The following SIN3B variants were observed in gnomAD, a reference collection of about 807,000 sequenced individuals.
SIN3B encodes the protein SIN3 transcription regulator family member B, also known as paired amphipathic helix protein Sin3b.
SIN3B carries 19 observed loss-of-function variants against 120.2 expected under a neutral mutation model. The ratio of observed to expected loss-of-function variants is 0.16; its 90% CI spans 0.11 to 0.23. The LOEUF is 0.23. Among genes scored for constraint, SIN3B ranks in the 10% least tolerant of loss-of-function variants. SIN3B has a pLI of 1.00. For missense variants in SIN3B, 1,073 were observed against 1,573.0 expected (o/e 0.68, Z 5.38); for synonymous variants, 654 against 653.2 (o/e 1.00, Z -0.02).
chr19:16,841,962 G>T lies in SIN3B; in HGVS notation c.576G>T (p.Thr192=), dbSNP rs373254965. The part of the protein sequence containing the change: ...IYRSFLEILH[T]YQKEQLNTRG... ...GGTCATTCCTGGAGATCCTGCACAC[G>T]TACCAGGTAAGAACTCAGATTACAA... The change falls in exon 4 of 19, where the codon ACG becomes ACT. Residue 192 remains threonine (T), a synonymous_variant. Coordinates refer to ENST00000248054, the MANE Select transcript of SIN3B (RefSeq NM_001297595.2). 1.2e-6 allele frequency: 2 copies of T among 1,612,984 alleles called. No individual in the cohort carries two copies. Among genetic ancestry groups the T allele is most frequent in the Non-Finnish European group, 1.7e-6 (2 of 1,179,146 alleles).
chr19:16,840,991 G>T (rs1291382788), intron 3 of SIN3B, among the ~76,000 whole-genome samples: 1 of 152,186 alleles, frequency 6.6e-6, no homozygotes, highest in East Asian at 1.9e-4. Context: ...ACCTCAGCCA[G>T]GCTGGAGGAA....
chr19:16,860,571 G>A lies in SIN3B; in HGVS notation c.1059-1781G>A, dbSNP rs375050369. Among the ~76,000 whole-genome samples the A allele has an allele frequency of 1.8e-4, 27 of 151,826 alleles. 1 individual carries two copies. Among genetic ancestry groups the A allele is most frequent in the Middle Eastern group, 6.8e-3 (2 of 294 alleles). On this transcript the variant is annotated intron_variant, in intron 8 of 18. Transcript: ENST00000248054. ...GTGGCTAGGTCACAGCAGGATTGTG[G>A]CACCAGCAGTCAAAGTAACTGCAAC...
chr19:16,831,121 G>A (rs1407588920), intron 2 of SIN3B, among the ~76,000 whole-genome samples: 1 of 151,448 alleles, frequency 6.6e-6, no homozygotes, highest in African/African-American at 2.4e-5. Flanking sequence ...GGAGTGCAGT[G>A]GTGTGATCTG....
chr19:16,869,194 T>C (rs1010547330), intron 12 of SIN3B, among the ~76,000 whole-genome samples: 33 of 152,112 alleles, frequency 2.2e-4, no homozygotes, highest in Non-Finnish European at 2.8e-4. Flanking sequence ...CAGAATCCTC[T>C]TGGCTCCTTT....
At chr19:16,863,397 A>G (rs1971716240) in intron 9 of SIN3B, 1 of 525,246 alleles carries the variant, frequency 1.9e-6, no homozygotes, top group Non-Finnish European at 3.4e-6. Context: ...TGCATAGGAT[A>G]TATGCAAATA....
At position 16,876,430 on chromosome 19, in the gene SIN3B, G is replaced by A. The variant is rs910498513; in HGVS notation, c.2767-56G>A. Reference sequence around the variant, plus strand: ...GAGGCGGGTGGCCTTGCGAGCCTGCGCTGTGCCGGCTGGGCTGTGCCGGCA... The same window carrying A: ...GAGGCGGGTGGCCTTGCGAGCCTGCACTGTGCCGGCTGGGCTGTGCCGGCA... On this transcript the variant is annotated intron_variant, in intron 15 of 18. Coordinates refer to ENST00000248054, the MANE Select transcript of SIN3B (RefSeq NM_001297595.2). This position sits in a 1 kb window ranked among gnomAD's most constrained non-coding sequence, Gnocchi z 7.1. 3.9e-5 allele frequency: 61 copies of A among 1,571,046 alleles called. 2 individuals carry two copies. The South Asian group carries it at 4.0e-4, about 10-fold the overall frequency.
chr19:16,856,726 C>T (rs903438072), intron 8 of SIN3B, among the ~76,000 whole-genome samples: 1 of 152,070 alleles, frequency 6.6e-6, no homozygotes, highest in Non-Finnish European at 1.5e-5. Flanking sequence ...TGTGTGCCAC[C>T]ATACTTGGCT....
chr19:16,839,461 C>T (rs1971389487), intron 3 of SIN3B, among the ~76,000 whole-genome samples: 1 of 152,148 alleles, frequency 6.6e-6, no homozygotes, highest in Admixed American at 6.5e-5. Flanking sequence ...GCGTGGTTCC[C>T]CATTTTGTCG....
intron 6 of SIN3B, among the ~76,000 whole-genome samples, 154 bp downstream of exon 6, chr19:16,851,688 C>A (rs1971548265): frequency 6.6e-6 from 1 of 152,232 alleles, no homozygotes; most frequent in Non-Finnish European, 1.5e-5. Flanking sequence ...CGTTGGAAGT[C>A]AGCTCTCCTC....
At chr19:16,866,308 C>T in intron 11 of SIN3B, 65 bp from the exon 12 acceptor site, 2 of 1,510,494 alleles carry the variant, frequency 1.3e-6, no homozygotes, top group Non-Finnish European at 1.8e-6. Flanking sequence ...GACAGGCCAG[C>T]CCTGGGATGC....
At chr19:16,863,638 T>C (rs1971719874) in intron 9 of SIN3B, 42 bp from the exon 10 acceptor site, 1 of 1,308,054 alleles carries the variant, frequency 7.6e-7, no homozygotes, top group African/African-American at 1.5e-5. Flanking sequence ...TCTTGGCTCC[T>C]GGGGCATGCA....
Position 16,866,367 on chromosome 19 carries a change from C to T in SIN3B, c.1623-6C>T, listed in dbSNP as rs1348042083. 1 of 1,609,832 alleles carries T rather than the reference C, an allele frequency of 6.2e-7. No homozygotes were observed. Among genetic ancestry groups the T allele is most frequent in the East Asian group, 2.2e-5 (1 of 44,798 alleles). On this transcript the variant is annotated splice_region_variant and splice_polypyrimidine_tract_variant and intron_variant, in intron 11 of 18. Transcript: ENST00000248054. ...TCCCTGGTGCTGACCTCTCTTCCCC[C>T]CGCAGACTGAAGGCCAAGGAAGAGG...
chr19:16,866,623 G>A (rs1971777921), intron 12 of SIN3B, 67 bp downstream of exon 12: 5 of 1,499,606 alleles, frequency 3.3e-6, no homozygotes, highest in Middle Eastern at 1.7e-4. Flanking sequence ...CGCCGGGTCT[G>A]TGCCTCTGTT....
intron 8 of SIN3B, chr19:16,855,740 C>G (rs1026596986): frequency 4.0e-5 from 6 of 150,488 alleles, no homozygotes; most frequent in African/African-American, 1.5e-4. Context: ...CAAAACAAAA[C>G]AAAAAAATAA....
chr19:16,878,237 C>T lies in SIN3B; in HGVS notation c.3009C>T (p.Arg1003=), dbSNP rs759385825. 18 of 1,598,862 alleles carry T rather than the reference C, an allele frequency of 1.1e-5. No individual in the cohort carries two copies. The highest frequency in any genetic ancestry group is 6.7e-5 in the African/African-American group (5 of 74,662). Reference sequence around the variant, plus strand: ...AGAGCGAGCAGGCGCGGGCCCTGCGCGGTGAGGCCAGGAGCTCCTGGAAGC... The same window carrying T: ...AGAGCGAGCAGGCGCGGGCCCTGCGTGGTGAGGCCAGGAGCTCCTGGAAGC... ...RWQSEQARAL[R]GEARSSWKRL... The change falls in exon 18 of 19, where the codon CGC becomes CGT. Residue 1003 remains arginine (R), a synonymous_variant. Transcript: ENST00000248054.
intron 14 of SIN3B, among the ~76,000 whole-genome samples, chr19:16,875,727 CTGGTCTGGTCGGTT>C (rs2051591576): frequency 1.5e-5 from 2 of 137,316 alleles, no homozygotes; most frequent in African/African-American, 5.7e-5. Context: ...CTGGTTTGGT[CTGGTCTGGTCGGTT>C]TGGTCTGGTC....
chr19:16,857,760 C>T (rs924696328), intron 8 of SIN3B, among the ~76,000 whole-genome samples: 1 of 152,204 alleles, frequency 6.6e-6, no homozygotes, highest in African/African-American at 2.4e-5. Context: ...GTGACCGCCA[C>T]CTGCACTAAT....
chr19:16,863,921 C>A, intron 10 of SIN3B, 125 bp downstream of exon 10: 1 of 671,066 alleles, frequency 1.5e-6, no homozygotes, highest in Non-Finnish European at 2.6e-6. Context: ...CAGCACATTC[C>A]AACAGCTCCT....
chr19:16,854,810 A>T (rs890084341), intron 8 of SIN3B: 4 of 152,206 alleles, frequency 2.6e-5, no homozygotes, highest in Non-Finnish European at 4.4e-5. Flanking sequence ...CCTGAACTGG[A>T]ATAATTGGGT....
Sources: gnomAD v4.1 joint callset for allele counts (sites outside exome capture counted in the v4.1 genomes callset) on GRCh38, gnomAD v4.1.1 for gene constraint, Gnocchi (gnomAD v3.1) non-coding constraint, MANE v1.5 for transcripts, NCBI Gene and HGNC (gene_info 2026-07-23, HGNC 2026-07-21) for gene names.